FLI1: variants seen among roughly 807,000 people sequenced by gnomAD.
FLI1 encodes Friend leukemia integration 1 transcription factor.
In FLI1, 13 loss-of-function variants were observed where a neutral mutation model predicts 53.1. The observed-to-expected ratio is 0.24, with a 90% CI of 0.16 to 0.39. FLI1 has a LOEUF of 0.39. Ranked by LOEUF, FLI1 falls within the 10% of genes least tolerant of loss-of-function variation. FLI1 has a pLI of 1.00. For missense variants in FLI1, 424 were observed against 600.5 expected, an observed-to-expected ratio of 0.71 and a Z score of 3.07; for synonymous variants, 244 against 236.7, an observed-to-expected ratio of 1.03 and a Z score of -0.28.
chr11:128,798,298 G>A (rs182276408), intron 5 of FLI1, among the ~76,000 whole-genome samples: 2 of 152,202 alleles, frequency 1.3e-5, no homozygotes, highest in Admixed American at 1.3e-4. Flanking sequence ...ATCCCACTTT[G>A]AGGCCTTATC....
At chr11:128,695,131 C>T (rs1178904102) in intron 1 of FLI1, among the ~76,000 whole-genome samples, 1 of 152,194 alleles carries the variant, frequency 6.6e-6, no homozygotes, top group Non-Finnish European at 1.5e-5. Flanking sequence ...TGAGCCCGCG[C>T]CCCGCGCCCG....
At chr11:128,772,566 G>A (rs1456711324) in intron 3 of FLI1, among the ~76,000 whole-genome samples, 1 of 152,200 alleles carries the variant, frequency 6.6e-6, no homozygotes, top group Non-Finnish European at 1.5e-5. Context: ...TACGTAGTGA[G>A]GCAGCTAAGC....
At chr11:128,697,243 T>A (rs538682365) in intron 1 of FLI1, among the ~76,000 whole-genome samples, 1 of 152,172 alleles carries the variant, frequency 6.6e-6, no homozygotes, top group Non-Finnish European at 1.5e-5. Context: ...TTGAATCCAG[T>A]TAATTTTATC....
At chr11:128,726,458 C>A (rs555493976) in intron 1 of FLI1, among the ~76,000 whole-genome samples, 2 of 152,220 alleles carry the variant, frequency 1.3e-5, no homozygotes, top group African/African-American at 4.8e-5. Flanking sequence ...CCTCAGGTGT[C>A]ATCAAAGATG....
At chr11:128,748,607 T>G (rs1410934228) in intron 1 of FLI1, among the ~76,000 whole-genome samples, 1 of 151,400 alleles carries the variant, frequency 6.6e-6, no homozygotes, top group African/African-American at 2.4e-5. Context: ...CACTCCAGCC[T>G]GGGCGACAAG....
chr11:128,695,035 C>G (rs1937989765), intron 1 of FLI1, among the ~76,000 whole-genome samples: 2 of 152,100 alleles, frequency 1.3e-5, no homozygotes, highest in South Asian at 2.1e-4. Context: ...AGGCGTGCGC[C>G]GGCTCCAGGA....
intron 1 of FLI1, among the ~76,000 whole-genome samples, chr11:128,718,426 T>G (rs2135731073): frequency 6.8e-6 from 1 of 147,246 alleles, no homozygotes; most frequent in Admixed American, 7.1e-5. Context: ...CGGGAATGAG[T>G]CTCCCCAACA....
rs377050968 is a variant in FLI1 at position 128,768,140 on chromosome 11, G to A, written c.253G>A (p.Val85Ile). The change falls in exon 3 of 9, where the codon GTT (valine) becomes ATT (isoleucine). Residue 85 changes from valine (V) to isoleucine (I), a missense_variant. Physicochemically the swap from Val to Ile is conservative, Grantham distance 29. Coordinates refer to ENST00000527786, the MANE Select transcript of FLI1 (RefSeq NM_002017.5). ...TAGGGAGTCTCCGGTGGACTGCAGC[G>A]TTAGCAAATGCAGCAAGCTGGTGGG... ...GSRESPVDCS[V>I]SKCSKLVGGG... 79 of 1,613,318 alleles carry A rather than the reference G, an allele frequency of 4.9e-5. No individual in the cohort carries two copies. Among genetic ancestry groups the A allele is most frequent in the Middle Eastern group, 1.6e-4 (1 of 6,082 alleles).
chr11:128,686,074 C>T (rs994042549), upstream of FLI1: 4 of 318,208 alleles, frequency 1.3e-5, no homozygotes, highest in Admixed American at 1.6e-4. Context: ...TAGTCTTCCT[C>T]CGTCCCCGGG....
intron 1 of FLI1, among the ~76,000 whole-genome samples, chr11:128,718,386 A>G (rs1173103027): frequency 6.6e-6 from 1 of 152,190 alleles, no homozygotes; most frequent in Non-Finnish European, 1.5e-5. Flanking sequence ...CTTGCTTTCC[A>G]AAGTGCCTCA....
At chr11:128,723,099 T>C (rs191811278) in intron 1 of FLI1, among the ~76,000 whole-genome samples, 347 of 152,278 alleles carry the variant, frequency 2.3e-3, no homozygotes, top group Non-Finnish European at 4.1e-3. Flanking sequence ...CTAATCCCGC[T>C]CTGAAGGCTC....
intron 1 of FLI1, among the ~76,000 whole-genome samples, chr11:128,699,538 A>G (rs1214716015): frequency 6.6e-6 from 1 of 152,172 alleles, no homozygotes; most frequent in East Asian, 1.9e-4. Flanking sequence ...GTAATCTCAG[A>G]GTTATACAGG....
At chr11:128,699,355 A>G (rs1305710110) in intron 1 of FLI1, among the ~76,000 whole-genome samples, 1 of 152,202 alleles carries the variant, frequency 6.6e-6, no homozygotes, top group East Asian at 1.9e-4. Flanking sequence ...GAAAATTTTT[A>G]TATTGATAGT....
intron 1 of FLI1, among the ~76,000 whole-genome samples, chr11:128,707,770 C>T (rs1487064358): frequency 6.6e-6 from 1 of 152,076 alleles, no homozygotes; most frequent in Admixed American, 6.6e-5. Context: ...AGGGTATGAC[C>T]CAGACTCTTC....
Position 128,811,048 on chromosome 11 carries a change from T to C in FLI1, c.*60T>C, listed in dbSNP as rs1942925116. 3.9e-6 allele frequency: 6 copies of C among 1,525,672 alleles called. 1 individual carries two copies. In the South Asian group the frequency reaches 6.7e-5, roughly 17 times the overall value. 94.5% of individuals were successfully genotyped at this position (1,525,672 alleles called of 1,614,324 possible). A position where few individuals can be genotyped will look rare whatever the true frequency, so the allele number is the denominator to read the frequency against. Reference sequence around the variant, plus strand: ...CATCCTGCACACTTACTGGATGCTTTGGACTCAACAGGACATATGTGGCCT... The same window carrying C: ...CATCCTGCACACTTACTGGATGCTTCGGACTCAACAGGACATATGTGGCCT... On this transcript the variant is annotated 3_prime_UTR_variant, in exon 9 of 9. Transcript: ENST00000527786.
intron 2 of FLI1, among the ~76,000 whole-genome samples, chr11:128,760,443 G>A (rs924660496): frequency 1.3e-4 from 20 of 151,310 alleles, no homozygotes; most frequent in African/African-American, 4.6e-4. Context: ...CCTATTCTAC[G>A]ATGCCTCCTA....
At chr11:128,706,157 C>T (rs1938538898) in intron 1 of FLI1, among the ~76,000 whole-genome samples, 1 of 152,156 alleles carries the variant, frequency 6.6e-6, no homozygotes, top group South Asian at 2.1e-4. Context: ...GCAAGGAAAC[C>T]CTCTTGTCTA....
chr11:128,747,317 C>T (rs1371030095), intron 1 of FLI1, among the ~76,000 whole-genome samples: 1 of 152,196 alleles, frequency 6.6e-6, no homozygotes, highest in Non-Finnish European at 1.5e-5. Context: ...CGGGTACAGC[C>T]ACTCCAGTGA....
chr11:128,797,524 C>A (rs1942475919), intron 5 of FLI1, among the ~76,000 whole-genome samples: 1 of 152,230 alleles, frequency 6.6e-6, no homozygotes, highest in African/African-American at 2.4e-5. Flanking sequence ...GCACTGCCTA[C>A]TTCCCTCCTC....
Sources: allele counts gnomAD v4.1 joint callset (sites outside exome capture counted in the v4.1 genomes callset), GRCh38; gene constraint gnomAD v4.1.1; transcripts MANE v1.5; gene names NCBI Gene and HGNC (gene_info 2026-07-23, HGNC 2026-07-21).